Variants in CAMTA1 observed in about 807,000 individuals in gnomAD.
CAMTA1 encodes calmodulin binding transcription activator 1.
A neutral mutation model predicts 170.9 loss-of-function variants in CAMTA1; 27 were observed. The ratio of observed to expected loss-of-function variants is 0.16; its 90% confidence interval spans 0.12 to 0.22. The LOEUF (loss-of-function observed/expected upper bound fraction) is 0.22. CAMTA1 is among the 10% of genes least tolerant of loss of function. CAMTA1 has a pLI of 1.00. For missense variants in CAMTA1, 1,619 were observed against 2,217.2 expected, an observed-to-expected ratio of 0.73 and a Z score of 5.42; for synonymous variants, 833 against 891.5, an observed-to-expected ratio of 0.93 and a Z score of 1.17.
intron 3 of CAMTA1, among the ~76,000 whole-genome samples, chr1:7,038,616 C>T (rs777380354): frequency 6.6e-6 from 1 of 152,216 alleles, no homozygotes; most frequent in Non-Finnish European, 1.5e-5. Flanking sequence ...GAAGGTTGTA[C>T]ACATCAATAC....
Position 7,324,270 on chromosome 1 carries a change from A to T in CAMTA1, c.438+74644A>T, listed in dbSNP as rs552926841. Among the ~76,000 whole-genome samples, 3 of 152,220 alleles carry T rather than the reference A, an allele frequency of 2.0e-5. No homozygotes were observed. The South Asian group carries it at 6.2e-4, about 32-fold the overall frequency. On this transcript the variant is annotated intron_variant, in intron 5 of 22. Transcript: ENST00000303635. The stretch of plus-strand genomic sequence containing the variant: ...TCTCTAGTAATGCTTTTGGCCTTGA[A>T]ATCTATTTTATCTGCTTTCTTTTGC...
chr1:7,444,662 C>A (rs2092634348), intron 5 of CAMTA1, among the ~76,000 whole-genome samples: 1 of 152,212 alleles, frequency 6.6e-6, no homozygotes, highest in African/African-American at 2.4e-5. Context: ...AAGAAGCATC[C>A]ACTTCTGCCT....
At chr1:7,213,847 G>C (rs1270417576) in intron 4 of CAMTA1, among the ~76,000 whole-genome samples, 2 of 151,956 alleles carry the variant, frequency 1.3e-5, no homozygotes, top group East Asian at 3.9e-4. Context: ...CTATGAGTGA[G>C]AACATGCGGT....
At chr1:7,606,135 G>A (rs1226675154) in intron 6 of CAMTA1, among the ~76,000 whole-genome samples, 1 of 152,204 alleles carries the variant, frequency 6.6e-6, no homozygotes, top group Non-Finnish European at 1.5e-5. Context: ...AGTCGGTGGA[G>A]GCATTGGTCA....
At chr1:6,966,590 T>C (rs543187345) in intron 3 of CAMTA1, among the ~76,000 whole-genome samples, 1 of 148,862 alleles carries the variant, frequency 6.7e-6, no homozygotes, top group East Asian at 2.0e-4. Flanking sequence ...TCAGCTGATT[T>C]TCCCTAAACA....
chr1:7,618,376 C>T (rs1230269076), intron 6 of CAMTA1, among the ~76,000 whole-genome samples: 1 of 152,236 alleles, frequency 6.6e-6, no homozygotes, highest in Non-Finnish European at 1.5e-5. Flanking sequence ...TCGGGAGGCC[C>T]TCTTTTCCCA....
chr1:6,901,811 C>G (rs1180917512), intron 3 of CAMTA1, among the ~76,000 whole-genome samples: 1 of 152,048 alleles, frequency 6.6e-6, no homozygotes, highest in East Asian at 1.9e-4. Context: ...TTTGGGAGGC[C>G]AAGGCAGGTG....
chr1:7,434,537 C>T (rs778043901), intron 5 of CAMTA1, among the ~76,000 whole-genome samples: 2 of 152,216 alleles, frequency 1.3e-5, no homozygotes, highest in Non-Finnish European at 2.9e-5. Flanking sequence ...GCCCTAGGTA[C>T]TGGGTTCTCT....
At chr1:7,703,012 A>G (rs1377936619) in intron 11 of CAMTA1, among the ~76,000 whole-genome samples, 3 of 152,186 alleles carry the variant, frequency 2.0e-5, no homozygotes, top group Admixed American at 1.3e-4. Context: ...GCTAGCAACG[A>G]GCCCACTCTG....
At chr1:7,464,836 C>G (rs368395996) in intron 5 of CAMTA1, among the ~76,000 whole-genome samples, 1 of 152,006 alleles carries the variant, frequency 6.6e-6, no homozygotes, top group Non-Finnish European at 1.5e-5. Flanking sequence ...TAGAATCGTA[C>G]CCATGGTGCA....
chr1:7,254,349 A>T (rs17030621), intron 5 of CAMTA1, among the ~76,000 whole-genome samples: 8,425 of 152,138 alleles, frequency 0.055, 746 homozygotes, highest in African/African-American at 0.19. Context: ...TGTTGGTTTC[A>T]TGGCTGTCAC....
At chr1:7,401,048 T>C (rs576666439) in intron 5 of CAMTA1, among the ~76,000 whole-genome samples, 1 of 152,350 alleles carries the variant, frequency 6.6e-6, no homozygotes, top group African/African-American at 2.4e-5. Context: ...ATCAATTTGT[T>C]CATTTATGAA....
intron 6 of CAMTA1, among the ~76,000 whole-genome samples, chr1:7,564,841 G>C (rs922682803): frequency 6.6e-6 from 1 of 152,038 alleles, no homozygotes; most frequent in East Asian, 1.9e-4. Context: ...GAAAAAAGGA[G>C]AGTTGAGAGG....
intron 5 of CAMTA1, among the ~76,000 whole-genome samples, chr1:7,398,193 C>CTCTATATA (rs1557651862): frequency 1.8e-4 from 3 of 16,900 alleles, no homozygotes; most frequent in Non-Finnish European, 2.2e-4. Context: ...CTCTCTCTCT[C>CTCTATATA]TATATATATA....
At chr1:7,644,529 G>A (rs893076084) in intron 7 of CAMTA1, among the ~76,000 whole-genome samples, 4 of 152,212 alleles carry the variant, frequency 2.6e-5, no homozygotes, top group East Asian at 3.9e-4. Context: ...GTCAGGGATC[G>A]GCCACCCTGG....
chr1:7,594,717 G>A (rs916058789), intron 6 of CAMTA1, among the ~76,000 whole-genome samples: 1 of 152,218 alleles, frequency 6.6e-6, no homozygotes, highest in Admixed American at 6.5e-5. Context: ...TATGCTGATG[G>A]TTTGGATGTG....
chr1:7,762,383 A>G (rs2150303707), intron 22 of CAMTA1, among the ~76,000 whole-genome samples: 1 of 152,336 alleles, frequency 6.6e-6, no homozygotes, highest in South Asian at 2.1e-4. Flanking sequence ...GCCATTTGAA[A>G]CACTCTGATT....
intron 4 of CAMTA1, among the ~76,000 whole-genome samples, chr1:7,246,670 C>G (rs1313304198): frequency 6.8e-5 from 5 of 73,930 alleles, no homozygotes; most frequent in Non-Finnish European, 9.5e-5. Context: ...CTCTGACCTG[C>G]TTTTTTTTTT....
chr1:7,274,913 G>A (rs543994806), intron 5 of CAMTA1, among the ~76,000 whole-genome samples: 17 of 152,112 alleles, frequency 1.1e-4, no homozygotes, highest in Admixed American at 3.3e-4. Context: ...AGGCCAAAGC[G>A]GGCAAATCAC....
Sources: allele counts gnomAD v4.1 joint callset (sites outside exome capture counted in the v4.1 genomes callset), GRCh38; gene constraint gnomAD v4.1.1; transcripts MANE v1.5; gene names NCBI Gene and HGNC (gene_info 2026-07-23, HGNC 2026-07-21).